The following RUNX1 variants were observed in gnomAD, a reference collection of about 807,000 sequenced individuals.
RUNX1 encodes the protein RUNX family transcription factor 1, also known as runt-related transcription factor 1.
Under a neutral mutation model 42.8 loss-of-function variants are expected in RUNX1, and 19 were observed. The ratio of observed to expected loss-of-function variants is 0.44; its 90% CI spans 0.31 to 0.65. RUNX1 has a LOEUF of 0.65. Ranked by LOEUF, RUNX1 falls within the 30% of genes least tolerant of loss-of-function variation. RUNX1 has a pLI of 0.07. For synonymous variants in RUNX1, 271 were observed against 289.4 expected (o/e 0.94, Z 0.64); for missense variants, 528 against 672.0 (o/e 0.79, Z 2.37).
chr21:35,048,490 G>C (rs574053444), intron 2 of RUNX1, among the ~76,000 whole-genome samples: 427 of 152,292 alleles, frequency 2.8e-3, no homozygotes, highest in Non-Finnish European at 4.4e-3. Context: ...CAGGCATTCC[G>C]GGCAAGGGAC....
At chr21:34,887,991 G>C (rs2058023104) in intron 3 of RUNX1, 2 of 1,066,120 alleles carry the variant, frequency 1.9e-6, no homozygotes, top group Non-Finnish European at 2.3e-6. Context: ...GGGTTCTACA[G>C]CTCTCCCACA....
chr21:34,893,025 A>G, intron 2 of RUNX1, 62 bp from the exon 3 acceptor site: 4 of 1,131,692 alleles, frequency 3.5e-6, no homozygotes, highest in Non-Finnish European at 5.3e-6. Flanking sequence ...CTTTCCCCCG[A>G]CTTTTTTTTT....
intron 2 of RUNX1, among the ~76,000 whole-genome samples, chr21:34,995,606 A>G (rs1157478031): frequency 6.6e-6 from 1 of 151,760 alleles, no homozygotes; most frequent in African/African-American, 2.4e-5. Flanking sequence ...ATGCTCAGCT[A>G]ATTTTTGTAT....
At chr21:34,895,612 G>A (rs1490596103) in intron 2 of RUNX1, among the ~76,000 whole-genome samples, 2 of 152,064 alleles carry the variant, frequency 1.3e-5, no homozygotes, top group Non-Finnish European at 2.9e-5. Flanking sequence ...TGGGGAAATG[G>A]TGCTCTGGGC....
In RUNX1 at chr21:34,887,050, G is replaced by A. The variant is rs147889692; in HGVS notation, c.144C>T (p.Ser48=). Residue 48 remains serine, a synonymous_variant, in exon 4 of 9, where the codon AGC becomes AGT. Coordinates refer to ENST00000675419, the MANE Select transcript of RUNX1 (RefSeq NM_001754.5). The part of the protein sequence containing the change: ...RRFTPPSTAL[S]PGKMSEALPL... ...GCAACGCCTCGCTCATCTTGCCTGGGCTCAGCGCGGTGGAAGGCGGCGTGA... is the reference window on the plus strand; with the variant it reads ...GCAACGCCTCGCTCATCTTGCCTGGACTCAGCGCGGTGGAAGGCGGCGTGA... 3,263 of 1,600,640 alleles carry A rather than the reference G, an allele frequency of 2.0e-3. 36 individuals carry two copies. Among genetic ancestry groups the A allele is most frequent in the Non-Finnish European group, 1.3e-3 (1,489 of 1,179,862 alleles).
chr21:34,900,573 A>G (rs2058169080), intron 2 of RUNX1, among the ~76,000 whole-genome samples: 1 of 152,240 alleles, frequency 6.6e-6, no homozygotes, highest in Non-Finnish European at 1.5e-5. Flanking sequence ...CTCAGCAGCA[A>G]TAACTGAGTT....
intron 6 of RUNX1, among the ~76,000 whole-genome samples, chr21:34,854,091 G>C (rs566885224): frequency 6.6e-6 from 1 of 152,322 alleles, no homozygotes; most frequent in African/African-American, 2.4e-5. Flanking sequence ...TGGGATTACA[G>C]GCGGGAGCCA....
rs368343350 is a variant in RUNX1, at chr21:34,843,664, G to T, written c.614-9063C>A. 6.6e-6 allele frequency among the ~76,000 whole-genome samples: 1 copy of T among 152,194 alleles called. No homozygotes were observed. The highest frequency in any genetic ancestry group is 2.4e-5 in the African/African-American group (1 of 41,524). On this transcript the variant is annotated intron_variant, in intron 6 of 8. Transcript: ENST00000675419. This position sits in a 1 kb window ranked among gnomAD's most constrained non-coding sequence, Gnocchi z 4.8. ...AACTTCAAGCCAGAGACGCACACAG[G>T]CCTGCCCCTCCCCAGCCCCCCTGCA... is the stretch of plus-strand genomic sequence containing the variant.
chr21:34,849,481 T>TTA lies in RUNX1; in HGVS notation c.613+9991_613+9992dup, dbSNP rs558628264. On this transcript the variant is annotated intron_variant, in intron 6 of 8. Transcript: ENST00000675419. ...ATATATAGTATATATATAATATATA[T>TTA]TATATATATATATATTAGCTTGGCT... is the stretch of plus-strand genomic sequence containing the variant. Among the ~76,000 whole-genome samples the TTA allele has an allele frequency of 5.3e-3, 521 of 97,414 alleles. 3 individuals are homozygous for TTA. Among genetic ancestry groups the TTA allele is most frequent in the African/African-American group, 0.019 (475 of 24,884 alleles). The allele number at this position is 97,414 out of a possible 152,430, so 63.9% of individuals were successfully genotyped here.
chr21:34,899,051 T>C (rs7283301), intron 2 of RUNX1, among the ~76,000 whole-genome samples: 70,285 of 152,088 alleles, frequency 0.46, 19,897 homozygotes, highest in African/African-American at 0.81. Flanking sequence ...GAAGTTGGGA[T>C]TACTGGCACG....
At chr21:34,833,278 G>C (rs1037370420) in intron 7 of RUNX1, 2 of 152,084 alleles carry the variant, frequency 1.3e-5, no homozygotes, top group Non-Finnish European at 2.9e-5. Context: ...CTAATTTTTT[G>C]TATTTTTAGT....
At chr21:34,942,608 A>G (rs1305990943) in intron 2 of RUNX1, among the ~76,000 whole-genome samples, 1 of 152,250 alleles carries the variant, frequency 6.6e-6, no homozygotes, top group African/African-American at 2.4e-5. Context: ...CACAAAGTGA[A>G]TATGAGTGAT....
intron 6 of RUNX1, among the ~76,000 whole-genome samples, chr21:34,835,735 T>C (rs1288261325): frequency 4.6e-5 from 7 of 152,154 alleles, no homozygotes; most frequent in Non-Finnish European, 8.8e-5. Context: ...CAACCTCTGT[T>C]CCCTATTGCC....
At chr21:34,926,286 G>T (rs1353200342) in intron 2 of RUNX1, among the ~76,000 whole-genome samples, 2 of 151,196 alleles carry the variant, frequency 1.3e-5, no homozygotes, top group Non-Finnish European at 2.9e-5. Flanking sequence ...ACCAGCCTGG[G>T]CAACATAGTG....
In RUNX1 at chr21:34,817,171, A is replaced by G. The variant is rs182352298; in HGVS notation, c.805+17239T>C. ...GTCTTCACACGTCACTCAAGGTCAC[A>G]TAGAGGGGATTCAAACTCAGGCTGG... On this transcript the variant is annotated intron_variant, in intron 7 of 8. Coordinates refer to ENST00000675419, the MANE Select transcript of RUNX1 (RefSeq NM_001754.5). Among the ~76,000 whole-genome samples the G allele has an allele frequency of 3.7e-3, 566 of 152,274 alleles. 4 individuals carry two copies. Among genetic ancestry groups the G allele is most frequent in the African/African-American group, 0.013 (542 of 41,540 alleles).
At chr21:35,036,815 C>G (rs2059311975) in intron 2 of RUNX1, among the ~76,000 whole-genome samples, 1 of 152,168 alleles carries the variant, frequency 6.6e-6, no homozygotes, top group South Asian at 2.1e-4. Context: ...CTGCTTCTGG[C>G]TACGATTTTT....
At chr21:34,809,830 A>C (rs1286092976) in intron 7 of RUNX1, among the ~76,000 whole-genome samples, 1 of 151,866 alleles carries the variant, frequency 6.6e-6, no homozygotes, top group African/African-American at 2.4e-5. Flanking sequence ...AGCACGCAAG[A>C]AAAAAAAAGA....
chr21:34,915,166 A>G (rs903086558), intron 2 of RUNX1, among the ~76,000 whole-genome samples: 6 of 152,208 alleles, frequency 3.9e-5, no homozygotes, highest in African/African-American at 1.4e-4. Context: ...TTTTAATTGC[A>G]AAGTACCAGA....
At chr21:34,934,339 T>A (rs778248021) in intron 2 of RUNX1, among the ~76,000 whole-genome samples, 52 of 152,150 alleles carry the variant, frequency 3.4e-4, no homozygotes, top group Admixed American at 9.8e-4. Flanking sequence ...CTTGGAGGAC[T>A]GAGGCCATGT....
Sources: gnomAD v4.1 joint callset for allele counts (sites outside exome capture counted in the v4.1 genomes callset) on GRCh38, gnomAD v4.1.1 for gene constraint, Gnocchi (gnomAD v3.1) non-coding constraint, MANE v1.5 for transcripts, NCBI Gene and HGNC (gene_info 2026-07-23, HGNC 2026-07-21) for gene names.